The following P3H2 variants were observed in gnomAD, a reference collection of about 807,000 sequenced individuals.
P3H2 encodes leprecan-like 1.
Under a neutral mutation model 87.0 loss-of-function variants are expected in P3H2, and 80 were observed. The observed-to-expected ratio is 0.92, with a 90% confidence interval of 0.77 to 1.11. The LOEUF (loss-of-function observed/expected upper bound fraction) is 1.11. P3H2 is among the 50% of genes least tolerant of loss of function. P3H2 has a pLI of 0.00. For missense variants in P3H2, 1,001 were observed against 923.9 expected (o/e 1.08, Z -1.08); for synonymous variants, 367 against 359.3 (o/e 1.02, Z -0.24).
chr3:190,075,472 G>A (rs1326853933), intron 1 of P3H2, among the ~76,000 whole-genome samples: 1 of 148,084 alleles, frequency 6.8e-6, no homozygotes. Context: ...GCAACAAGAG[G>A]GAAACTCCGT....
At chr3:190,053,704 C>T (rs532299680) in intron 1 of P3H2, among the ~76,000 whole-genome samples, 24 of 152,128 alleles carry the variant, frequency 1.6e-4, no homozygotes, top group East Asian at 7.7e-4. Context: ...GTGATCCACG[C>T]GCCTCGGCCT....
At chr3:189,973,698 G>C (rs1723255443) in intron 10 of P3H2, among the ~76,000 whole-genome samples, 2 of 151,274 alleles carry the variant, frequency 1.3e-5, no homozygotes, top group Admixed American at 1.3e-4. Flanking sequence ...TAATTTTTTT[G>C]TATTTTTAGT....
intron 1 of P3H2, among the ~76,000 whole-genome samples, chr3:190,074,115 T>C (rs1440041857): frequency 6.6e-6 from 1 of 152,226 alleles, no homozygotes; most frequent in African/African-American, 2.4e-5. Context: ...CTAAATTATT[T>C]GATCTTGTGG....
At chr3:190,022,428 A>G (rs1399674716) in intron 1 of P3H2, among the ~76,000 whole-genome samples, 1 of 135,588 alleles carries the variant, frequency 7.4e-6, no homozygotes, top group African/African-American at 2.6e-5. Context: ...CTAATGCAGT[A>G]ACTCTCAGGA....
At chr3:190,100,555 G>A (rs76742324) in intron 1 of P3H2, among the ~76,000 whole-genome samples, 10,561 of 152,068 alleles carry the variant, frequency 0.069, 483 homozygotes, top group African/African-American at 0.13. Context: ...ACCTCATTTT[G>A]TAAAAGAAGA....
Position 190,097,574 on chromosome 3 carries a change from C to T in P3H2, c.480+22678G>A, listed in dbSNP as rs533729331. 4.6e-5 allele frequency among the ~76,000 whole-genome samples: 7 copies of T among 151,606 alleles called. No individual in the cohort carries two copies. The South Asian group carries it at 8.4e-4, about 18-fold the overall frequency. ...ACATATTCCCCTTCTTTCTTTCTGC[C>T]TCAGGTATCATATCTACAAAGTCTT... On this transcript the variant is annotated intron_variant, in intron 1 of 14. Transcript: ENST00000319332.
chr3:190,007,123 G>C (rs1340153188), intron 1 of P3H2, among the ~76,000 whole-genome samples: 1 of 152,166 alleles, frequency 6.6e-6, no homozygotes, highest in Non-Finnish European at 1.5e-5. Flanking sequence ...GAGAGTGTAA[G>C]ACTGGAGGCC....
intron 1 of P3H2, among the ~76,000 whole-genome samples, chr3:190,017,465 G>C (rs926601368): frequency 1.3e-5 from 2 of 152,170 alleles, no homozygotes; most frequent in African/African-American, 4.8e-5. Flanking sequence ...TGACTATATG[G>C]AGCCAGTAAC....
At chr3:190,042,304 A>C (rs1368658334) in intron 1 of P3H2, among the ~76,000 whole-genome samples, 1 of 152,162 alleles carries the variant, frequency 6.6e-6, no homozygotes, top group Non-Finnish European at 1.5e-5. Flanking sequence ...AGTAACTATG[A>C]AACTGACAGC....
intron 1 of P3H2, among the ~76,000 whole-genome samples, chr3:190,084,891 C>T (rs1727160292): frequency 6.6e-6 from 1 of 151,412 alleles, no homozygotes; most frequent in South Asian, 2.1e-4. Context: ...TAGTTCATAG[C>T]TCTGTACCTA....
intron 11 of P3H2, 99 bp downstream of exon 11, chr3:189,972,775 T>C: frequency 1.5e-6 from 2 of 1,306,590 alleles, no homozygotes; most frequent in Non-Finnish European, 2.2e-6. Flanking sequence ...AGAATTCGTC[T>C]AAAATATTAA....
chr3:190,057,577 A>G (rs11708421), intron 1 of P3H2, among the ~76,000 whole-genome samples: 44,269 of 151,994 alleles, frequency 0.29, 6,595 homozygotes, highest in Middle Eastern at 0.36. Context: ...TGAGAGTTTC[A>G]TATAGATTTC....
chr3:190,079,960 G>A (rs767977442), intron 1 of P3H2, among the ~76,000 whole-genome samples: 1 of 152,208 alleles, frequency 6.6e-6, no homozygotes, highest in Non-Finnish European at 1.5e-5. Flanking sequence ...AAGTCATTAG[G>A]ACAGTGCTTG....
chr3:190,098,712 C>T (rs1711509995), intron 1 of P3H2, among the ~76,000 whole-genome samples: 2 of 152,152 alleles, frequency 1.3e-5, no homozygotes, highest in East Asian at 1.9e-4. Context: ...TCTCAAAATA[C>T]ATTGATCATT....
At chr3:190,027,860 G>A (rs1015276653) in intron 1 of P3H2, among the ~76,000 whole-genome samples, 1 of 151,580 alleles carries the variant, frequency 6.6e-6, no homozygotes, top group Non-Finnish European at 1.5e-5. Flanking sequence ...CCTCCTCTCT[G>A]GCTTCACGGA....
chr3:190,041,916 GTTT>G (rs1725649504), intron 1 of P3H2, among the ~76,000 whole-genome samples: 10 of 152,098 alleles, frequency 6.6e-5, no homozygotes, highest in South Asian at 2.1e-4. Flanking sequence ...CACTTACCCA[GTTT>G]GTTTATTTTT....
intron 7 of P3H2, among the ~76,000 whole-genome samples, chr3:189,984,018 T>C (rs1723615299): frequency 6.6e-6 from 1 of 152,138 alleles, no homozygotes; most frequent in Non-Finnish European, 1.5e-5. Flanking sequence ...ATGGCACATG[T>C]ATACATATGT....
At chr3:189,986,654 C>G (rs1232518025) in intron 6 of P3H2, 134 bp downstream of exon 6, 1 of 702,802 alleles carries the variant, frequency 1.4e-6, no homozygotes, top group Admixed American at 2.3e-5. Context: ...CTCCCACCCC[C>G]AATTTTTACC....
At chr3:190,084,036 A>G (rs1727135475) in intron 1 of P3H2, among the ~76,000 whole-genome samples, 1 of 152,236 alleles carries the variant, frequency 6.6e-6, no homozygotes, top group African/African-American at 2.4e-5. Context: ...TCTTATAGCA[A>G]CTTGGATTCT....
Sources: allele counts gnomAD v4.1 joint callset (sites outside exome capture counted in the v4.1 genomes callset), GRCh38; gene constraint gnomAD v4.1.1; transcripts MANE v1.5; gene names NCBI Gene and HGNC (gene_info 2026-07-23, HGNC 2026-07-21).